Variants in ARHGAP42 observed in about 807,000 individuals in gnomAD.
The protein encoded by ARHGAP42 is rho GTPase-activating protein 42.
Under a neutral mutation model 125.0 loss-of-function variants are expected in ARHGAP42, and 63 were observed. The ratio of observed to expected loss-of-function variants is 0.50; its 90% CI spans 0.41 to 0.62. The LOEUF is 0.62. Ranked by LOEUF, ARHGAP42 falls within the 20% of genes least tolerant of loss-of-function variation. The pLI, the probability that ARHGAP42 is intolerant of heterozygous loss-of-function variation, is 0.00. For missense variants in ARHGAP42, 766 were observed against 1,024.2 expected (o/e 0.75, Z 3.44); for synonymous variants, 339 against 351.0 (o/e 0.97, Z 0.38).
chr11:100,965,562 TATGAGGC>T, intron 16 of ARHGAP42, 102 bp from the exon 17 acceptor site: 1 of 901,256 alleles, frequency 1.1e-6, no homozygotes, highest in Non-Finnish European at 1.8e-6. Flanking sequence ...AAGCAATGCC[TATGAGGC>T]ATGAGGGGTA....
chr11:100,698,614 G>GA (rs1861333310), intron 1 of ARHGAP42, among the ~76,000 whole-genome samples: 1 of 152,212 alleles, frequency 6.6e-6, no homozygotes, highest in Non-Finnish European at 1.5e-5. Flanking sequence ...CTGGGAGGCG[G>GA]AAGTTGCGGT....
intron 4 of ARHGAP42, among the ~76,000 whole-genome samples, chr11:100,877,069 T>G (rs530020610): frequency 1.3e-5 from 2 of 152,212 alleles, no homozygotes; most frequent in South Asian, 4.1e-4. Context: ...TGTGGTTAAC[T>G]GGTCCCAGCT....
intron 4 of ARHGAP42, among the ~76,000 whole-genome samples, chr11:100,902,174 G>A (rs968959678): frequency 5.3e-5 from 8 of 152,168 alleles, no homozygotes; most frequent in East Asian, 3.9e-4. Context: ...ACTTTAACCC[G>A]TTGAAGAATG....
At chr11:100,921,069 A>AT (rs1867228896) in intron 5 of ARHGAP42, among the ~76,000 whole-genome samples, 1 of 150,470 alleles carries the variant, frequency 6.6e-6, no homozygotes, top group South Asian at 2.1e-4. Context: ...CTTTTTTTAT[A>AT]TTTTTGGCAA....
intron 3 of ARHGAP42, among the ~76,000 whole-genome samples, chr11:100,849,887 A>G (rs1301198482): frequency 1.3e-5 from 2 of 152,182 alleles, no homozygotes; most frequent in African/African-American, 4.8e-5. Context: ...AGGGAAAGTG[A>G]ACTAGGAAAA....
chr11:100,809,828 C>T (rs1864093315), intron 3 of ARHGAP42, among the ~76,000 whole-genome samples: 1 of 151,946 alleles, frequency 6.6e-6, no homozygotes, highest in South Asian at 2.1e-4. Flanking sequence ...GGTATCACAG[C>T]TACTTGGGAG....
intron 4 of ARHGAP42, among the ~76,000 whole-genome samples, chr11:100,903,706 C>CAAAAAAAAAAAAAAAA (rs749877720): frequency 3.4e-4 from 11 of 32,540 alleles, no homozygotes; most frequent in Non-Finnish European, 5.7e-4. Flanking sequence ...ACATGTCCCT[C>CAAAAAAAAAAAAAAAA]AAAATATATA....
chr11:100,792,920 T>A (rs1279498333), intron 2 of ARHGAP42, among the ~76,000 whole-genome samples: 1 of 151,740 alleles, frequency 6.6e-6, no homozygotes, highest in Non-Finnish European at 1.5e-5. Flanking sequence ...GCCCTGCTAA[T>A]TTTTTTTGTA....
chr11:100,832,236 T>G (rs1864679939), intron 3 of ARHGAP42, among the ~76,000 whole-genome samples: 1 of 152,212 alleles, frequency 6.6e-6, no homozygotes, highest in Non-Finnish European at 1.5e-5. Context: ...GGCTTTTTCT[T>G]TACTCTGCAG....
chr11:100,910,277 A>G (rs1446888358), intron 4 of ARHGAP42, among the ~76,000 whole-genome samples: 1 of 152,176 alleles, frequency 6.6e-6, no homozygotes, highest in East Asian at 1.9e-4. Flanking sequence ...AGCAACTATG[A>G]TACTAAAAAC....
chr11:100,711,053 T>C (rs895284958), intron 1 of ARHGAP42, among the ~76,000 whole-genome samples: 5 of 152,252 alleles, frequency 3.3e-5, no homozygotes, highest in Non-Finnish European at 7.3e-5. Context: ...TTTAGGTAAC[T>C]ATTGAATAAA....
intron 2 of ARHGAP42, among the ~76,000 whole-genome samples, chr11:100,777,925 A>G (rs1245833622): frequency 6.6e-6 from 1 of 152,212 alleles, no homozygotes; most frequent in Admixed American, 6.5e-5. Context: ...GTTCACACCT[A>G]TAATCCTAGT....
intron 3 of ARHGAP42, among the ~76,000 whole-genome samples, chr11:100,812,821 G>A (rs1009344747): frequency 6.6e-6 from 1 of 152,194 alleles, no homozygotes. Context: ...GGATTATGAA[G>A]AATATGTAGG....
intron 2 of ARHGAP42, among the ~76,000 whole-genome samples, chr11:100,780,652 G>A (rs1031246082): frequency 5.3e-5 from 8 of 152,186 alleles, no homozygotes; most frequent in East Asian, 1.9e-4. Context: ...GTCAGAAACC[G>A]GCTTTGTAGC....
chr11:100,770,564 T>C lies in ARHGAP42; in HGVS notation c.250+126T>C. ...TTTGACAATACTATAAGAGTGATTT[T>C]AGGTTTCTATGGAAGAAATTTTTTC... On this transcript the variant is annotated intron_variant, in intron 2 of 23. Coordinates refer to ENST00000298815, the MANE Select transcript of ARHGAP42 (RefSeq NM_152432.4). 4.1e-6 allele frequency: 3 copies of C among 739,412 alleles called. No homozygotes were observed. The South Asian group carries it at 8.7e-5, about 21-fold the overall frequency. 45.8% of individuals were successfully genotyped at this position (739,412 alleles called of 1,614,324 possible).
At chr11:100,892,496 C>A (rs1264197484) in intron 4 of ARHGAP42, among the ~76,000 whole-genome samples, 3 of 151,784 alleles carry the variant, frequency 2.0e-5, no homozygotes, top group Admixed American at 1.3e-4. Flanking sequence ...TTAATTCATG[C>A]TGTAAAATCT....
At chr11:100,961,824 G>A in intron 15 of ARHGAP42, 56 bp downstream of exon 15, 2 of 1,408,558 alleles carry the variant, frequency 1.4e-6, no homozygotes, top group Non-Finnish European at 2.0e-6. Flanking sequence ...CACCCCTTGA[G>A]TAGTAACCAC....
At chr11:100,871,129 T>C (rs1865685347) in intron 4 of ARHGAP42, among the ~76,000 whole-genome samples, 1 of 152,202 alleles carries the variant, frequency 6.6e-6, no homozygotes, top group South Asian at 2.1e-4. Flanking sequence ...ATTAAAACTT[T>C]ATAATATACA....
At chr11:100,695,143 G>T (rs1259418343) in intron 1 of ARHGAP42, among the ~76,000 whole-genome samples, 1 of 152,246 alleles carries the variant, frequency 6.6e-6, no homozygotes, top group African/African-American at 2.4e-5. Context: ...GCTGGCTTTT[G>T]TATAAGCGTA....
Sources: gnomAD v4.1 joint callset for allele counts (sites outside exome capture counted in the v4.1 genomes callset) on GRCh38, gnomAD v4.1.1 for gene constraint, MANE v1.5 for transcripts, NCBI Gene and HGNC (gene_info 2026-07-23, HGNC 2026-07-21) for gene names.